LGSN: variants seen among roughly 807,000 people sequenced by gnomAD.
LGSN encodes the protein lengsin, lens protein with glutamine synthetase domain.
In LGSN, 21 loss-of-function variants were observed where a neutral mutation model predicts 19.5. The ratio of observed to expected loss-of-function variants is 1.07; its 90% CI spans 0.76 to 1.55. The LOEUF (loss-of-function observed/expected upper bound fraction) is 1.55, where lower values mean the gene tolerates loss of function less well. LGSN is among the 40% of genes most tolerant of loss of function. The pLI is 0.00. For synonymous variants in LGSN, 257 were observed against 215.6 expected (o/e 1.19, Z -1.68); for missense variants, 673 against 608.5 (o/e 1.11, Z -1.12).
the LGSN span, among the ~76,000 whole-genome samples, chr6:63,468,721 C>T: frequency 6.6e-6 from 1 of 152,074 alleles, no homozygotes; most frequent in African/African-American, 2.4e-5. Flanking sequence ...AGTCACTGCA[C>T]CCGGCCATGT....
At chr6:63,434,457 A>AG in the LGSN span, among the ~76,000 whole-genome samples, 1 of 137,668 alleles carries the variant, frequency 7.3e-6, no homozygotes, top group Non-Finnish European at 1.6e-5. Context: ...AAAAAAAAAA[A>AG]GAAGAAGTTG....
chr6:63,515,386 C>G, the LGSN span, among the ~76,000 whole-genome samples: 1 of 152,022 alleles, frequency 6.6e-6, no homozygotes, highest in African/African-American at 2.4e-5. Context: ...CACCCACCAC[C>G]ATGTCCAACT....
the LGSN span, among the ~76,000 whole-genome samples, chr6:63,343,973 G>C: frequency 6.6e-6 from 1 of 152,154 alleles, no homozygotes; most frequent in Admixed American, 6.5e-5. Context: ...AGAACCACCA[G>C]CAAGGAAACA....
At chr6:63,366,371 T>C in the LGSN span, among the ~76,000 whole-genome samples, 15 of 151,940 alleles carry the variant, frequency 9.9e-5, no homozygotes, top group African/African-American at 3.4e-4. Context: ...ACCTAGGAAT[T>C]CAACTTACAA....
Position 63,306,943 on chromosome 6 carries a change from T to C in LGSN, c.31-11898A>G, listed in dbSNP as rs1300886453. 2.6e-5 allele frequency among the ~76,000 whole-genome samples: 4 copies of C among 152,262 alleles called. No individual in the cohort carries two copies. The East Asian group carries it at 7.7e-4, about 29-fold the overall frequency. ...TAAGGTAAGAAGTAAAGAAATAAACTTTCTCAACTACCACACAACTAGGTC... is the reference window on the plus strand; with the variant it reads ...TAAGGTAAGAAGTAAAGAAATAAACCTTCTCAACTACCACACAACTAGGTC... On this transcript the variant is annotated intron_variant, in intron 1 of 3. Coordinates refer to ENST00000370657, the MANE Select transcript of LGSN (RefSeq NM_016571.3).
chr6:63,492,858 G>T, the LGSN span, among the ~76,000 whole-genome samples: 1 of 152,176 alleles, frequency 6.6e-6, no homozygotes, highest in African/African-American at 2.4e-5. Context: ...TTTGAGAAAT[G>T]ATTGCACTTT....
At chr6:63,571,466 A>C in the LGSN span, 1 of 152,366 alleles carries the variant, frequency 6.6e-6, no homozygotes, top group South Asian at 2.1e-4. Flanking sequence ...CTTGTATGGC[A>C]CAGAATTGCG....
chr6:63,484,210 A>T, the LGSN span, among the ~76,000 whole-genome samples: 3 of 152,256 alleles, frequency 2.0e-5, no homozygotes, highest in South Asian at 6.2e-4. Context: ...ATAAATAGGC[A>T]TCAAAAATCT....
the LGSN span, among the ~76,000 whole-genome samples, chr6:63,513,714 C>A: frequency 6.6e-6 from 1 of 151,762 alleles, no homozygotes; most frequent in East Asian, 1.9e-4. Flanking sequence ...AATTGGAGAC[C>A]AGCCTGACCA....
chr6:63,432,172 AAG>A, the LGSN span, among the ~76,000 whole-genome samples: 1,156 of 28,128 alleles, frequency 0.041, 72 homozygotes, highest in East Asian at 0.085. Flanking sequence ...AAAGAAAGAA[AAG>A]GAAAGAAAGA....
chr6:63,421,773 T>C, the LGSN span, among the ~76,000 whole-genome samples: 2 of 151,164 alleles, frequency 1.3e-5, no homozygotes, highest in Non-Finnish European at 2.9e-5. Context: ...ATATGAACAA[T>C]AGAGAGAAAA....
At chr6:63,544,744 C>T in the LGSN span, among the ~76,000 whole-genome samples, 4 of 152,224 alleles carry the variant, frequency 2.6e-5, no homozygotes, top group Non-Finnish European at 4.4e-5. Context: ...TCAGGATACA[C>T]GTTTGGCAGG....
At chr6:63,311,455 A>G (rs1197329308) in intron 1 of LGSN, among the ~76,000 whole-genome samples, 1 of 152,204 alleles carries the variant, frequency 6.6e-6, no homozygotes, top group East Asian at 1.9e-4. Context: ...ACATTGTTTA[A>G]TCTCTTCTCA....
the LGSN span, among the ~76,000 whole-genome samples, chr6:63,541,219 A>G: frequency 0.087 from 13,258 of 152,188 alleles, 614 homozygotes; most frequent in East Asian, 0.16. Context: ...ACTAGTATCA[A>G]TATCTCCCAT....
the LGSN span, among the ~76,000 whole-genome samples, chr6:63,351,916 A>G: frequency 6.6e-6 from 1 of 152,216 alleles, no homozygotes; most frequent in Non-Finnish European, 1.5e-5. Flanking sequence ...GTTTCAATAT[A>G]TCAGAGAACA....
At chr6:63,544,710 TC>T in the LGSN span, among the ~76,000 whole-genome samples, 1 of 152,320 alleles carries the variant, frequency 6.6e-6, no homozygotes, top group East Asian at 1.9e-4. Context: ...TTTGGGTTTT[TC>T]TGATGTTTCC....
upstream of LGSN, among the ~76,000 whole-genome samples, chr6:63,322,353 T>C (rs1769104439): frequency 6.6e-6 from 1 of 152,158 alleles, no homozygotes; most frequent in Admixed American, 6.5e-5. Flanking sequence ...AGGGAATAAC[T>C]GACTTGTGAG....
intron 2 of LGSN, 30 bp downstream of exon 2, chr6:63,294,883 C>G: frequency 6.2e-7 from 1 of 1,611,874 alleles, no homozygotes; most frequent in Non-Finnish European, 8.5e-7. Context: ...CTGACCACAC[C>G]ATTTTTGAGG....
chr6:63,487,484 A>ACT, the LGSN span, among the ~76,000 whole-genome samples: 10 of 152,318 alleles, frequency 6.6e-5, no homozygotes, highest in Admixed American at 6.5e-4. Flanking sequence ...AAAATGCCAA[A>ACT]ATTATCTTTC....
Sources: gnomAD v4.1 joint callset for allele counts (sites outside exome capture counted in the v4.1 genomes callset) on GRCh38, gnomAD v4.1.1 for gene constraint, MANE v1.5 for transcripts, NCBI Gene and HGNC (gene_info 2026-07-23, HGNC 2026-07-21) for gene names.